Variants in UBE2K observed in about 807,000 individuals in gnomAD.
The protein encoded by UBE2K is ubiquitin-conjugating enzyme E2 K.
Under a neutral mutation model 30.0 loss-of-function variants are expected in UBE2K, and 6 were observed. The observed-to-expected ratio is 0.20, with a 90% CI of 0.11 to 0.39. The LOEUF is 0.39. Among genes scored for constraint, UBE2K ranks in the 10% least tolerant of loss-of-function variants. The pLI is 1.00. For synonymous variants in UBE2K, 86 were observed against 83.7 expected (o/e 1.03, Z -0.15); for missense variants, 61 against 241.6 (o/e 0.25, Z 4.96).
At chr4:39,733,051 G>GAAAAAAAAAAA (rs59978380) in intron 1 of UBE2K, among the ~76,000 whole-genome samples, 6 of 97,060 alleles carry the variant, frequency 6.2e-5, no homozygotes, top group Admixed American at 1.2e-4. Flanking sequence ...GGAACATCAG[G>GAAAAAAAAAAA]AAAAAAAAAA....
chr4:39,771,384 A>C, intron 4 of UBE2K: 4 of 1,612,434 alleles, frequency 2.5e-6, no homozygotes, highest in Non-Finnish European at 3.4e-6. Context: ...TCCGTAGCGT[A>C]GCGGCCTAGT....
chr4:39,726,510 C>T (rs971112751), intron 1 of UBE2K, among the ~76,000 whole-genome samples: 1 of 145,080 alleles, frequency 6.9e-6, no homozygotes, highest in Non-Finnish European at 1.5e-5. Flanking sequence ...TGTGAGCCAC[C>T]ACTCCTCCTG....
intron 4 of UBE2K, among the ~76,000 whole-genome samples, chr4:39,757,033 T>G (rs1423232926): frequency 2.1e-5 from 2 of 95,296 alleles, no homozygotes; most frequent in Non-Finnish European, 3.7e-5. Context: ...TTGTTTTTTG[T>G]TTTTTTTTTG....
In UBE2K at chr4:39,757,018, G is replaced by GTTTTTT. The variant is rs1227834116; in HGVS notation, c.299+1280_299+1285dup. Among the ~76,000 whole-genome samples the GTTTTTT allele has an allele frequency of 2.3e-3, 164 of 72,050 alleles. 27 individuals are homozygous for GTTTTTT. The highest frequency in any genetic ancestry group is 4.1e-3 in the South Asian group (8 of 1,960). 47.3% of individuals were successfully genotyped at this position (72,050 alleles called of 152,430 possible). On this transcript the variant is annotated intron_variant, in intron 4 of 6. Transcript: ENST00000261427. The stretch of plus-strand genomic sequence containing the variant: ...TTTGGGTGTTTTTTTTTTGTTTTTT[G>GTTTTTT]TTTTTTGTTTTTTGTTTTTTTTTTG...
chr4:39,725,006 T>C (rs1168880295), intron 1 of UBE2K, among the ~76,000 whole-genome samples: 1 of 152,210 alleles, frequency 6.6e-6, no homozygotes, highest in Admixed American at 6.5e-5. Context: ...CATGCAGTTA[T>C]ATATTTTTCT....
Position 39,750,193 on chromosome 4 carries a change from C to A in UBE2K, c.216+4383C>A, listed in dbSNP as rs1420534959. ...TGGACGACAGAGTGAGACTCCATCT[C>A]AAAAAAAACAAAAACAAAAAAAAGC... On this transcript the variant is annotated intron_variant, in intron 3 of 6. Transcript: ENST00000261427. Among the ~76,000 whole-genome samples the A allele has an allele frequency of 2.0e-5, 3 of 150,898 alleles. No individual in the cohort carries two copies. In the South Asian group the frequency reaches 6.3e-4, roughly 32 times the overall value.
intron 2 of UBE2K, among the ~76,000 whole-genome samples, chr4:39,743,378 T>A (rs1578465962): frequency 6.6e-6 from 1 of 151,740 alleles, no homozygotes; most frequent in Non-Finnish European, 1.5e-5. Context: ...CCGAGGCGGG[T>A]GGATCACAAG....
intron 1 of UBE2K, among the ~76,000 whole-genome samples, chr4:39,721,528 A>T (rs559978066): frequency 1.3e-5 from 2 of 150,130 alleles, no homozygotes; most frequent in East Asian, 4.0e-4. Context: ...TAATTTTCAT[A>T]TTTTTTTTTG....
At chr4:39,756,717 T>C (rs947750062) in intron 4 of UBE2K, among the ~76,000 whole-genome samples, 2 of 152,188 alleles carry the variant, frequency 1.3e-5, no homozygotes, top group Non-Finnish European at 2.9e-5. Context: ...ATTTAGCACA[T>C]GATTTTATAG....
chr4:39,765,773 C>A (rs578107186), intron 4 of UBE2K, among the ~76,000 whole-genome samples: 1 of 151,662 alleles, frequency 6.6e-6, no homozygotes, highest in Admixed American at 6.6e-5. Flanking sequence ...TGTGCCACTG[C>A]ACTCCAGCCT....
At chr4:39,776,161 T>C (rs1432137347) in intron 5 of UBE2K, among the ~76,000 whole-genome samples, 2 of 152,236 alleles carry the variant, frequency 1.3e-5, no homozygotes, top group Admixed American at 1.3e-4. Context: ...AGTGTTACAT[T>C]CAGGTATCCA....
At chr4:39,757,129 G>A (rs1337119219) in intron 4 of UBE2K, among the ~76,000 whole-genome samples, 3 of 150,256 alleles carry the variant, frequency 2.0e-5, no homozygotes, top group South Asian at 2.1e-4. Context: ...GGGTTCAAGC[G>A]ATTCTCCTGC....
intron 1 of UBE2K, among the ~76,000 whole-genome samples, chr4:39,700,862 G>T (rs1456852120): frequency 6.6e-6 from 1 of 152,084 alleles, no homozygotes; most frequent in Non-Finnish European, 1.5e-5. Context: ...TTCTTAGAGT[G>T]TGTTAAAATA....
At chr4:39,745,283 G>A (rs965903409) in intron 2 of UBE2K, among the ~76,000 whole-genome samples, 2 of 152,290 alleles carry the variant, frequency 1.3e-5, no homozygotes, top group Non-Finnish European at 1.5e-5. Flanking sequence ...TTTCATTTGC[G>A]AGAACCAGCT....
chr4:39,769,213 G>GTTTTTTTTTTTTTTCTTTTT (rs1712566882), intron 4 of UBE2K, among the ~76,000 whole-genome samples: 4 of 128,676 alleles, frequency 3.1e-5, no homozygotes, highest in East Asian at 2.2e-4. Context: ...GTTTCTTTTT[G>GTTTTTTTTTTTTTTCTTTTT]TTTTTTTTTT....
intron 4 of UBE2K, among the ~76,000 whole-genome samples, chr4:39,759,093 G>A (rs1711694125): frequency 6.6e-6 from 1 of 151,964 alleles, no homozygotes; most frequent in Non-Finnish European, 1.5e-5. Flanking sequence ...TGGATGTTTA[G>A]GTTTCAGAAC....
intron 2 of UBE2K, among the ~76,000 whole-genome samples, chr4:39,745,162 A>G (rs1383084372): frequency 6.6e-6 from 1 of 152,176 alleles, no homozygotes; most frequent in Non-Finnish European, 1.5e-5. Context: ...CCATGGACCC[A>G]GCTTGTTTTT....
chr4:39,756,093 A>G (rs1023664113), intron 4 of UBE2K, among the ~76,000 whole-genome samples: 2 of 152,230 alleles, frequency 1.3e-5, no homozygotes, highest in South Asian at 2.1e-4. Flanking sequence ...GATGGAATGT[A>G]AGTTACAAAA....
intron 1 of UBE2K, among the ~76,000 whole-genome samples, chr4:39,723,203 CTAGA>C (rs1298820392): frequency 6.6e-6 from 1 of 151,198 alleles, no homozygotes; most frequent in African/African-American, 2.4e-5. Flanking sequence ...GCCACCACAC[CTAGA>C]TAATTTTTTT....
Sources: gnomAD v4.1 joint callset for allele counts (sites outside exome capture counted in the v4.1 genomes callset) on GRCh38, gnomAD v4.1.1 for gene constraint, MANE v1.5 for transcripts, NCBI Gene and HGNC (gene_info 2026-07-23, HGNC 2026-07-21) for gene names.